ATG10: variants seen among roughly 807,000 people sequenced by gnomAD.
The protein encoded by ATG10 is ubiquitin-like-conjugating enzyme ATG10.
ATG10 carries 30 observed loss-of-function variants against 32.1 expected under a neutral mutation model. The ratio of observed to expected loss-of-function variants is 0.94; its 90% CI spans 0.70 to 1.27. ATG10 has a LOEUF of 1.27. ATG10 is among the 50% of genes most tolerant of loss of function. The pLI is 0.00. For missense variants in ATG10, 233 were observed against 262.3 expected (o/e 0.89, Z 0.77); for synonymous variants, 87 against 91.5 (o/e 0.95, Z 0.28).
At chr5:82,016,849 T>C (rs1486002348) in intron 2 of ATG10, among the ~76,000 whole-genome samples, 1 of 151,932 alleles carries the variant, frequency 6.6e-6, no homozygotes, top group Non-Finnish European at 1.5e-5. Flanking sequence ...CCACCACGCC[T>C]GGCTAATTTT....
At chr5:82,210,833 A>C (rs922417907) in intron 5 of ATG10, among the ~76,000 whole-genome samples, 1 of 152,224 alleles carries the variant, frequency 6.6e-6, no homozygotes, top group African/African-American at 2.4e-5. Context: ...GTCAGGTTTT[A>C]CTCAGGACAA....
chr5:81,984,227 C>G (rs1403707167), intron 1 of ATG10, among the ~76,000 whole-genome samples: 1 of 152,272 alleles, frequency 6.6e-6, no homozygotes, highest in African/African-American at 2.4e-5. Flanking sequence ...GAGCTGGAGA[C>G]CAGCCCGGCC....
At chr5:82,137,288 G>A (rs1268341665) in intron 3 of ATG10, among the ~76,000 whole-genome samples, 2 of 150,274 alleles carry the variant, frequency 1.3e-5, no homozygotes, top group African/African-American at 2.4e-5. Context: ...GAGGAGAAGA[G>A]GCATTCTGGT....
intron 3 of ATG10, among the ~76,000 whole-genome samples, chr5:82,083,730 C>T (rs996912435): frequency 1.3e-5 from 2 of 152,182 alleles, no homozygotes; most frequent in African/African-American, 4.8e-5. Context: ...AGTGGACCTC[C>T]AGAAAACTCC....
At chr5:81,986,900 C>G (rs960823984) in intron 1 of ATG10, among the ~76,000 whole-genome samples, 7 of 151,902 alleles carry the variant, frequency 4.6e-5, no homozygotes, top group African/African-American at 1.5e-4. Context: ...AAAAATTAGC[C>G]AGCGTGGTGG....
chr5:81,992,085 G>T (rs1761481835), intron 2 of ATG10: 1 of 152,052 alleles, frequency 6.6e-6, no homozygotes, highest in Non-Finnish European at 1.5e-5. Flanking sequence ...TGATCTCCTG[G>T]GCTTAAGTGA....
intron 3 of ATG10, among the ~76,000 whole-genome samples, chr5:82,145,112 G>C (rs1251844474): frequency 1.3e-5 from 2 of 151,898 alleles, no homozygotes; most frequent in Non-Finnish European, 2.9e-5. Context: ...ACATTCTTAT[G>C]GTTATTGTTT....
chr5:82,092,321 A>G (rs1339041249), intron 3 of ATG10, among the ~76,000 whole-genome samples: 1 of 152,258 alleles, frequency 6.6e-6, no homozygotes, highest in African/African-American at 2.4e-5. Flanking sequence ...AAAGCACCAG[A>G]GGAAAATATA....
chr5:82,089,833 T>C (rs1764818559), intron 3 of ATG10, among the ~76,000 whole-genome samples: 1 of 151,832 alleles, frequency 6.6e-6, no homozygotes, highest in Non-Finnish European at 1.5e-5. Flanking sequence ...AGAACATAGT[T>C]ACAAACCACA....
At chr5:82,246,069 A>G (rs997527907) in intron 5 of ATG10, among the ~76,000 whole-genome samples, 1 of 115,400 alleles carries the variant, frequency 8.7e-6, no homozygotes, top group Non-Finnish European at 1.8e-5. Context: ...CTTAATACTG[A>G]CCTTTTTTTT....
intron 4 of ATG10, among the ~76,000 whole-genome samples, chr5:82,173,259 A>T (rs1000842477): frequency 6.6e-6 from 1 of 152,194 alleles, no homozygotes; most frequent in African/African-American, 2.4e-5. Flanking sequence ...TCATGCTGTT[A>T]TTGGCTCATG....
chr5:82,137,742 TG>T (rs1266557503), intron 3 of ATG10, among the ~76,000 whole-genome samples: 1 of 152,206 alleles, frequency 6.6e-6, no homozygotes, highest in Non-Finnish European at 1.5e-5. Context: ...GCTCGAGTGC[TG>T]TGCTGGGAGA....
intron 4 of ATG10, among the ~76,000 whole-genome samples, chr5:82,166,888 C>A (rs983544490): frequency 2.6e-5 from 4 of 152,070 alleles, no homozygotes; most frequent in African/African-American, 9.7e-5. Flanking sequence ...TTTATAATTT[C>A]TTTTGCATTT....
chr5:82,106,031 AT>A (rs1380120043), intron 3 of ATG10, among the ~76,000 whole-genome samples: 1 of 152,078 alleles, frequency 6.6e-6, no homozygotes, highest in Non-Finnish European at 1.5e-5. Context: ...TATATTGACT[AT>A]TTTTCCTATT....
chr5:82,022,958 A>G (rs1024658680), intron 2 of ATG10, among the ~76,000 whole-genome samples: 2 of 151,478 alleles, frequency 1.3e-5, no homozygotes, highest in Non-Finnish European at 2.9e-5. Context: ...TACCACCATT[A>G]TGTAGCCAAC....
At chr5:82,152,230 A>G (rs566470916) in intron 3 of ATG10, among the ~76,000 whole-genome samples, 2 of 152,338 alleles carry the variant, frequency 1.3e-5, no homozygotes, top group East Asian at 3.9e-4. Flanking sequence ...GTTCTTTATG[A>G]AGAGAAAGGA....
chr5:82,006,475 A>G (rs1360024532), intron 2 of ATG10, among the ~76,000 whole-genome samples: 1 of 152,216 alleles, frequency 6.6e-6, no homozygotes, highest in Non-Finnish European at 1.5e-5. Context: ...GTGATGTAAT[A>G]TATTTCAACC....
intron 3 of ATG10, among the ~76,000 whole-genome samples, chr5:82,142,735 G>A (rs1767203915): frequency 6.6e-6 from 1 of 152,156 alleles, no homozygotes; most frequent in Non-Finnish European, 1.5e-5. Flanking sequence ...TAATATTCCA[G>A]CCAAGAGATA....
chr5:82,199,723 A>C (rs924333889), intron 5 of ATG10, among the ~76,000 whole-genome samples: 1 of 152,216 alleles, frequency 6.6e-6, no homozygotes, highest in Non-Finnish European at 1.5e-5. Flanking sequence ...AGTTTTAGAA[A>C]AATGCAGAGA....
Sources: allele counts gnomAD v4.1 joint callset (sites outside exome capture counted in the v4.1 genomes callset), GRCh38; gene constraint gnomAD v4.1.1; transcripts MANE v1.5; gene names NCBI Gene and HGNC (gene_info 2026-07-23, HGNC 2026-07-21).